The following PCDHGB1 variants were observed in gnomAD, a reference collection of about 807,000 sequenced individuals.
PCDHGB1 encodes the protein protocadherin gamma-B1.
A neutral mutation model predicts 56.6 loss-of-function variants in PCDHGB1; 34 were observed. The ratio of observed to expected loss-of-function variants is 0.60; its 90% CI spans 0.46 to 0.80. PCDHGB1 has a LOEUF of 0.80. PCDHGB1 is among the 30% of genes least tolerant of loss of function. The pLI is 0.00. For synonymous variants in PCDHGB1, 561 were observed against 505.9 expected (o/e 1.11, Z -1.46); for missense variants, 1,278 against 1,204.6 (o/e 1.06, Z -0.90).
chr5:141,460,741 A>C (rs1378900827), intron 1 of PCDHGB1, among the ~76,000 whole-genome samples: 1 of 152,128 alleles, frequency 6.6e-6, no homozygotes, highest in African/African-American at 2.4e-5. Flanking sequence ...CACATTGTAT[A>C]TATATGTGTA....
chr5:141,364,623 AGAGCCCACT>A, intron 1 of PCDHGB1: 1 of 1,614,178 alleles, frequency 6.2e-7, no homozygotes, highest in Non-Finnish European at 8.5e-7. Flanking sequence ...CTCTGCGCTC[AGAGCCCACT>A]GTGTGTGGTG....
At chr5:141,398,916 A>G (rs2150766485) in intron 1 of PCDHGB1, 1 of 1,614,022 alleles carries the variant, frequency 6.2e-7, no homozygotes, top group Non-Finnish European at 8.5e-7. Context: ...CTGTGTTGCA[A>G]GTGTCAGCCA....
chr5:141,423,141 G>A, intron 1 of PCDHGB1: 1 of 1,613,580 alleles, frequency 6.2e-7, no homozygotes, highest in Non-Finnish European at 8.5e-7. Context: ...ACAGAGACGC[G>A]CTCAAGCAGA....
At chr5:141,412,406 G>T (rs1278637068) in intron 1 of PCDHGB1, 1 of 152,046 alleles carries the variant, frequency 6.6e-6, no homozygotes, top group African/African-American at 2.4e-5. Context: ...ATCCCTGTAA[G>T]ATAAAGTATG....
Position 141,486,904 on chromosome 5 carries a change from C to G in PCDHGB1, c.2410-7903C>G. On this transcript the variant is annotated intron_variant, in intron 1 of 3. Transcript: ENST00000523390. This position sits in a 1 kb window ranked among gnomAD's most constrained non-coding sequence, Gnocchi z 5.0. The stretch of plus-strand genomic sequence containing the variant: ...GGGCCCGGCCTGGTTCCTTATGTCC[C>G]CAAGCACTGCCTCCATCAGTTGGTG... 6.2e-7 allele frequency: 1 copy of G among 1,614,226 alleles called. No individual in the cohort carries two copies. The highest frequency in any genetic ancestry group is 1.1e-5 in the South Asian group (1 of 91,080).
intron 1 of PCDHGB1, among the ~76,000 whole-genome samples, chr5:141,401,205 G>C (rs1479820661): frequency 6.6e-6 from 1 of 152,118 alleles, no homozygotes; most frequent in African/African-American, 2.4e-5. Context: ...AGCTGGGTGT[G>C]GTGGCGGGCG....
At chr5:141,382,207 A>G (rs1042631528) in intron 1 of PCDHGB1, among the ~76,000 whole-genome samples, 1 of 152,206 alleles carries the variant, frequency 6.6e-6, no homozygotes, top group Admixed American at 6.5e-5. Context: ...ATTTATTAAA[A>G]TAGGTCTATA....
rs377547144 is a variant in PCDHGB1, at chr5:141,409,030, G to A, written c.2409+56361G>A. The stretch of plus-strand genomic sequence containing the variant: ...ACCAGGATGAGGGGGTCAATGCTGA[G>A]ATAAACTACTACTTCCGAAGCACTG... On this transcript the variant is annotated intron_variant, in intron 1 of 3. Transcript: ENST00000523390. 9.9e-6 allele frequency: 16 copies of A among 1,613,892 alleles called. No homozygotes were observed. The African/African-American group carries it at 2.0e-4, about 20-fold the overall frequency.
rs751145850 is a variant in PCDHGB1 at position 141,432,148 on chromosome 5, G to A, written c.2410-62659G>A. The A allele has an allele frequency of 6.1e-5, 99 of 1,613,884 alleles. No individual in the cohort carries two copies. The Admixed American group carries it at 1.5e-3, about 24-fold the overall frequency. On this transcript the variant is annotated intron_variant, in intron 1 of 3. Transcript: ENST00000523390. The surrounding 1 kb of genome is among the most constrained non-coding windows in gnomAD (Gnocchi z 6.0). ...CCTCCTATTCCGCTTATATCCCAGA[G>A]AACAATCCCAGAGGAGTTTCCCTCG...
chr5:141,389,346 T>G (rs779015878), intron 1 of PCDHGB1: 1 of 1,613,984 alleles, frequency 6.2e-7, no homozygotes. Flanking sequence ...AGTCTCTTAC[T>G]GCATCATGGC....
intron 1 of PCDHGB1, chr5:141,393,111 C>T (rs762190466): frequency 1.2e-6 from 2 of 1,613,380 alleles, no homozygotes; most frequent in African/African-American, 2.7e-5. Context: ...CGCTCAGAGC[C>T]CGCGGTGTCT....
At position 141,408,449 on chromosome 5, in the gene PCDHGB1, G is replaced by C. The variant is rs1561713163; in HGVS notation, c.2409+55780G>C. On this transcript the variant is annotated intron_variant, in intron 1 of 3. Coordinates refer to ENST00000523390, the MANE Select transcript of PCDHGB1 (RefSeq NM_018922.3). Reference sequence around the variant, plus strand: ...CTTCAGCGTAGACGCGGAGAGCGGGGACTTACTTGTGAAGAACCGAATAGA... The same window carrying C: ...CTTCAGCGTAGACGCGGAGAGCGGGCACTTACTTGTGAAGAACCGAATAGA... The C allele has an allele frequency of 1.9e-6, 3 of 1,613,966 alleles. No individual in the cohort carries two copies. In the Admixed American group the frequency reaches 5.0e-5, roughly 27 times the overall value.
In PCDHGB1 at chr5:141,485,818, C is replaced by T; in HGVS notation, c.2410-8989C>T. 6 of 1,613,912 alleles carry T rather than the reference C, an allele frequency of 3.7e-6. No homozygotes were observed. The highest frequency in any genetic ancestry group is 5.1e-6 in the Non-Finnish European group (6 of 1,179,974). On this transcript the variant is annotated intron_variant, in intron 1 of 3. Transcript: ENST00000523390. This position sits in a 1 kb window ranked among gnomAD's most constrained non-coding sequence, Gnocchi z 5.7. ...ACTACCGCCTGGTGCTGACTGCTGTCGATGGAGGGAACCCGCCGAGATCTG... is the reference window on the plus strand; with the variant it reads ...ACTACCGCCTGGTGCTGACTGCTGTTGATGGAGGGAACCCGCCGAGATCTG...
At chr5:141,430,977 A>C (rs761722055) in intron 1 of PCDHGB1, 1 of 1,613,290 alleles carries the variant, frequency 6.2e-7, no homozygotes, top group South Asian at 1.1e-5. Context: ...GGTAGGACGC[A>C]GCTTTTCGCC....
At position 141,403,188 on chromosome 5, in the gene PCDHGB1, C is replaced by T. The variant is rs763950254; in HGVS notation, c.2409+50519C>T. ...AGGACGCAGCTTTTCTCTCTGAACCCGCGCAGCGGCACCTTGGTCACCGCG... is the reference window on the plus strand; with the variant it reads ...AGGACGCAGCTTTTCTCTCTGAACCTGCGCAGCGGCACCTTGGTCACCGCG... On this transcript the variant is annotated intron_variant, in intron 1 of 3. Coordinates refer to ENST00000523390, the MANE Select transcript of PCDHGB1 (RefSeq NM_018922.3). 5 of 1,613,850 alleles carry T rather than the reference C, an allele frequency of 3.1e-6. No individual in the cohort carries two copies. The African/African-American group carries it at 4.0e-5, about 13-fold the overall frequency.
intron 1 of PCDHGB1, among the ~76,000 whole-genome samples, chr5:141,433,465 C>T (rs1386201581): frequency 6.6e-6 from 1 of 152,060 alleles, no homozygotes; most frequent in Non-Finnish European, 1.5e-5. Context: ...GAAACTTGGG[C>T]TCAGGCTAGC....
intron 1 of PCDHGB1, chr5:141,384,357 G>A (rs1226263341): frequency 1.2e-6 from 2 of 1,613,734 alleles, no homozygotes; most frequent in African/African-American, 2.7e-5. Flanking sequence ...ATAATGCCCA[G>A]ATCACTTATT....
At chr5:141,480,935 C>G (rs1297213622) in intron 1 of PCDHGB1, among the ~76,000 whole-genome samples, 1 of 152,092 alleles carries the variant, frequency 6.6e-6, no homozygotes, top group Non-Finnish European at 1.5e-5. Flanking sequence ...GTCCCAGCTA[C>G]TCTAGAGGCT....
At position 141,431,317 on chromosome 5, in the gene PCDHGB1, C is replaced by T. The variant is rs778667104; in HGVS notation, c.2410-63490C>T. ...TCTCCCTCATCGTGCAAAATGGAGC[C>T]GACGGTAGTAAGTACCCCGAATTGG... On this transcript the variant is annotated intron_variant, in intron 1 of 3. Coordinates refer to ENST00000523390, the MANE Select transcript of PCDHGB1 (RefSeq NM_018922.3). This position sits in a 1 kb window ranked among gnomAD's most constrained non-coding sequence, Gnocchi z 4.8. The T allele has an allele frequency of 6.2e-6, 10 of 1,613,964 alleles. No homozygotes were observed. The highest frequency in any genetic ancestry group is 7.6e-6 in the Non-Finnish European group (9 of 1,180,046).
Sources: gnomAD v4.1 joint callset for allele counts (sites outside exome capture counted in the v4.1 genomes callset) on GRCh38, gnomAD v4.1.1 for gene constraint, Gnocchi (gnomAD v3.1) non-coding constraint, MANE v1.5 for transcripts, NCBI Gene and HGNC (gene_info 2026-07-23, HGNC 2026-07-21) for gene names.